Variants in AMHR2 observed in about 807,000 individuals in gnomAD.
AMHR2 encodes anti-Muellerian hormone type-2 receptor.
AMHR2 carries 36 observed loss-of-function variants against 61.4 expected under a neutral mutation model. The observed-to-expected ratio is 0.59, with a 90% CI of 0.45 to 0.77. AMHR2 has a LOEUF of 0.77. Ranked by LOEUF, AMHR2 falls within the 30% of genes least tolerant of loss-of-function variation. The pLI is 0.00. For synonymous variants in AMHR2, 258 were observed against 279.4 expected, an observed-to-expected ratio of 0.92 and a Z score of 0.76; for missense variants, 638 against 714.6, an observed-to-expected ratio of 0.89 and a Z score of 1.22.
intron 10 of AMHR2, 117 bp from the exon 11 acceptor site, chr12:53,431,060 G>A (rs1940057934): frequency 2.3e-6 from 3 of 1,306,154 alleles, no homozygotes; most frequent in Non-Finnish European, 3.3e-6. Flanking sequence ...GAGGCTCCAG[G>A]AAAGATCAGA....
chr12:53,427,841 A>G (rs1485866104), intron 6 of AMHR2, among the ~76,000 whole-genome samples: 1 of 152,176 alleles, frequency 6.6e-6, no homozygotes. Flanking sequence ...GCTCCTCATC[A>G]TCGTGTCTAT....
chr12:53,425,035 G>C, intron 3 of AMHR2, 130 bp from the exon 4 acceptor site: 1 of 1,582,352 alleles, frequency 6.3e-7, no homozygotes, highest in Admixed American at 1.7e-5. Flanking sequence ...TGGTTGCCCT[G>C]GTGACTGGGA....
At position 53,430,188 on chromosome 12, in the gene AMHR2, T is replaced by C; in HGVS notation, c.1331T>C (p.Leu444Pro). 1 of 1,612,920 alleles carries C rather than the reference T, an allele frequency of 6.2e-7. No homozygotes were observed. The highest frequency in any genetic ancestry group is 8.5e-7 in the Non-Finnish European group (1 of 1,178,982). The stretch of plus-strand genomic sequence containing the variant: ...TTCCAACTGGCCTATGAGGCAGAAC[T>C]GGGCAATACCCCTACCTCTGATGAG... Reference protein sequence around the residue: ...PPFQLAYEAELGNTPTSDELW... With the variant: ...PPFQLAYEAEPGNTPTSDELW... The change falls in exon 10 of 11, where the codon CTG (leucine) becomes CCG (proline). Residue 444 changes from leucine (L) to proline (P), a missense_variant. By Grantham distance (98) the Leu-to-Pro change is moderately conservative (BLOSUM62 -3). Transcript: ENST00000257863.
intron 10 of AMHR2, chr12:53,430,816 T>C: frequency 2.5e-6 from 1 of 406,676 alleles, no homozygotes; most frequent in African/African-American, 2.0e-5. Context: ...CTTCTGTACC[T>C]GATCTGAAAT....
At position 53,425,483 on chromosome 12, in the gene AMHR2, G is replaced by A. The variant is rs1418164952; in HGVS notation, c.531G>A (p.Val177=). The A allele has an allele frequency of 1.2e-6, 2 of 1,613,912 alleles. No homozygotes were observed. The highest frequency in any genetic ancestry group is 1.3e-5 in the African/African-American group (1 of 74,924). ...TGCTACAGCGAAAGAACTACAGAGT[G>A]CGAGGTGAGCCAGTGCCAGAGCCAA... ...LALLQRKNYR[V]RGEPVPEPRP... The change falls in exon 5 of 11, where the codon GTG becomes GTA. Residue 177 remains valine, a synonymous_variant. Coordinates refer to ENST00000257863, the MANE Select transcript of AMHR2 (RefSeq NM_020547.3).
At chr12:53,426,870 A>G (rs999093224) in intron 6 of AMHR2, among the ~76,000 whole-genome samples, 5 of 150,008 alleles carry the variant, frequency 3.3e-5, no homozygotes, top group African/African-American at 1.2e-4. Context: ...TTTAGTAGAG[A>G]CGGGGTTTCA....
Position 53,423,864 on chromosome 12 carries a change from G to C in AMHR2, c.-71G>C. The C allele has an allele frequency of 6.4e-7, 1 of 1,559,588 alleles. No homozygotes were observed. The highest frequency in any genetic ancestry group is 8.8e-7 in the Non-Finnish European group (1 of 1,132,152). On this transcript the variant is annotated 5_prime_UTR_variant, in exon 1 of 11. Transcript: ENST00000257863. ...AGCCCCAGGATGCCCTGTATCTGAAGAAAGATTTGGCCAGGGGCAGCTGTG... is the reference window on the plus strand; with the variant it reads ...AGCCCCAGGATGCCCTGTATCTGAACAAAGATTTGGCCAGGGGCAGCTGTG...
rs866710827 is a variant in AMHR2, at chr12:53,431,366, C to T, written c.1615C>T (p.Pro539Ser). 1 of 1,614,234 alleles carries T rather than the reference C, an allele frequency of 6.2e-7. No individual in the cohort carries two copies. Among genetic ancestry groups the T allele is most frequent in the Non-Finnish European group, 8.5e-7 (1 of 1,180,044 alleles). The change falls in exon 11 of 11, where the codon CCT (proline) becomes TCT (serine). Residue 539 changes from proline (P) to serine (S), a missense_variant. Physicochemically the swap from Pro to Ser is moderately conservative, Grantham distance 74 (BLOSUM62 -1). Coordinates refer to ENST00000257863, the MANE Select transcript of AMHR2 (RefSeq NM_020547.3). ...CPEDCTSIPA[P>S]TILPCRPQRS... Reference sequence around the variant, plus strand: ...AGAAGACTGTACTTCAATTCCTGCCCCTACCATCCTCCCCTGTAGGCCTCA... The same window carrying T: ...AGAAGACTGTACTTCAATTCCTGCCTCTACCATCCTCCCCTGTAGGCCTCA...
rs1555201117 is a variant in AMHR2 at position 53,424,691 on chromosome 12, CT to C, written c.233-17del. On this transcript the variant is annotated splice_polypyrimidine_tract_variant and intron_variant, in intron 2 of 10. Transcript: ENST00000257863. Reference sequence around the variant, plus strand: ...TGCCCCCCCTTTCTCTCCTCTTCCCCTAATCCCATCCCATCAGGATGCCGAG... The same window carrying C: ...TGCCCCCCCTTTCTCTCCTCTTCCCCAATCCCATCCCATCAGGATGCCGAG... 6.2e-7 allele frequency: 1 copy of C among 1,612,672 alleles called. No individual in the cohort carries two copies. The highest frequency in any genetic ancestry group is 1.3e-5 in the African/African-American group (1 of 74,998).
rs1939537676 is a variant in AMHR2 at position 53,425,925 on chromosome 12, C to T, written c.852+6C>T. The T allele has an allele frequency of 1.2e-6, 2 of 1,612,748 alleles. No individual in the cohort carries two copies. Among genetic ancestry groups the T allele is most frequent in the East Asian group, 4.5e-5 (2 of 44,872 alleles). ...TACTGGAACTGCATCCCAAGGTGAG[C>T]ACCAAGGAGTGTATATGTGTGTGTG... On this transcript the variant is annotated splice_donor_region_variant and intron_variant, in intron 6 of 10. Transcript: ENST00000257863.
At chr12:53,428,184 G>A (rs1038940241) in intron 6 of AMHR2, among the ~76,000 whole-genome samples, 21 of 152,114 alleles carry the variant, frequency 1.4e-4, no homozygotes, top group African/African-American at 5.1e-4. Context: ...TTCCTATCTT[G>A]GGGTTTACTG....
chr12:53,424,548 G>A, intron 2 of AMHR2, 78 bp downstream of exon 2: 1 of 1,572,296 alleles, frequency 6.4e-7, no homozygotes, highest in Non-Finnish European at 8.7e-7. Flanking sequence ...GCAACCAAGG[G>A]GGAAGGGGAG....
intron 10 of AMHR2, chr12:53,430,791 T>C (rs1940040917): frequency 2.7e-6 from 1 of 365,740 alleles, no homozygotes; most frequent in Non-Finnish European, 5.1e-6. Context: ...CAAATACTTT[T>C]TTAACAAAAT....
chr12:53,426,355 G>A (rs184772202), intron 6 of AMHR2, among the ~76,000 whole-genome samples: 1 of 151,356 alleles, frequency 6.6e-6, no homozygotes, highest in African/African-American at 2.4e-5. Context: ...TGGGCACGGT[G>A]GCAGACGCCT....
At chr12:53,429,101 A>G (rs773107631) in intron 7 of AMHR2, 91 bp downstream of exon 7, 1 of 1,236,752 alleles carries the variant, frequency 8.1e-7, no homozygotes, top group African/African-American at 1.5e-5. Flanking sequence ...GGGTCAAAAG[A>G]GGGAGGAAGA....
At chr12:53,429,354 T>C in intron 7 of AMHR2, 99 bp from the exon 8 acceptor site, 2 of 1,322,534 alleles carry the variant, frequency 1.5e-6, no homozygotes, top group Admixed American at 1.7e-5. Flanking sequence ...ATCGCGACAC[T>C]GCACTCCAGC....
chr12:53,428,153 C>A (rs887563616), intron 6 of AMHR2, among the ~76,000 whole-genome samples: 5 of 152,120 alleles, frequency 3.3e-5, no homozygotes, highest in Non-Finnish European at 5.9e-5. Flanking sequence ...TTGCTTTATG[C>A]CCCTTGGCAC....
intron 2 of AMHR2, 58 bp downstream of exon 2, chr12:53,424,528 G>A (rs913421321): frequency 2.5e-6 from 4 of 1,590,656 alleles, no homozygotes; most frequent in African/African-American, 2.7e-5. Context: ...CACATCCTGG[G>A]GTGTGGGTGG....
chr12:53,426,982 CAA>C (rs929522833), intron 6 of AMHR2, among the ~76,000 whole-genome samples: 24 of 71,778 alleles, frequency 3.3e-4, no homozygotes, highest in African/African-American at 4.4e-4. Context: ...CGTGCCCAGC[CAA>C]AAAAAAAAAA....
Sources: gnomAD v4.1 joint callset for allele counts (sites outside exome capture counted in the v4.1 genomes callset) on GRCh38, gnomAD v4.1.1 for gene constraint, MANE v1.5 for transcripts, NCBI Gene and HGNC (gene_info 2026-07-23, HGNC 2026-07-21) for gene names.